The following STRN3 variants were observed in gnomAD, a reference collection of about 807,000 sequenced individuals.
STRN3 encodes the protein striatin 3.
STRN3 carries 29 observed loss-of-function variants against 95.6 expected under a neutral mutation model. The ratio of observed to expected loss-of-function variants is 0.30; its 90% CI spans 0.23 to 0.41. The LOEUF (loss-of-function observed/expected upper bound fraction) is 0.41. STRN3 is among the 10% of genes least tolerant of loss of function. STRN3 has a pLI of 1.00. For synonymous variants in STRN3, 331 were observed against 357.6 expected (o/e 0.93, Z 0.84); for missense variants, 890 against 972.1 (o/e 0.92, Z 1.12).
intron 8 of STRN3, among the ~76,000 whole-genome samples, chr14:30,926,733 A>T (rs951331472): frequency 6.6e-6 from 1 of 152,144 alleles, no homozygotes; most frequent in Non-Finnish European, 1.5e-5. Flanking sequence ...TATGAAATCA[A>T]AATTAAAGTG....
At chr14:31,009,883 GAGACC>G (rs1488956313) in intron 1 of STRN3, among the ~76,000 whole-genome samples, 1 of 152,110 alleles carries the variant, frequency 6.6e-6, no homozygotes, top group Non-Finnish European at 1.5e-5. Flanking sequence ...AGGATTGCTT[GAGACC>G]AGGTATTCAA....
intron 13 of STRN3, among the ~76,000 whole-genome samples, chr14:30,908,772 C>T (rs530549888): frequency 4.6e-5 from 7 of 152,320 alleles, no homozygotes; most frequent in Admixed American, 3.3e-4. Flanking sequence ...GTCAGAGTTA[C>T]TGAGGACTTT....
Position 30,915,982 on chromosome 14 carries a change from A to G in STRN3, c.1241-2325T>C, listed in dbSNP as rs117625361. On this transcript the variant is annotated intron_variant, in intron 9 of 17. Coordinates refer to ENST00000357479, the MANE Select transcript of STRN3 (RefSeq NM_001083893.2). ...GACCACATTTCTGTCCTTTTTCTCT[A>G]TATACACACATATATTTTATGACAT... Among the ~76,000 whole-genome samples the G allele has an allele frequency of 5.1e-4, 78 of 152,250 alleles. 1 individual carries two copies. In the East Asian group the frequency reaches 0.014, roughly 28 times the overall value.
chr14:30,978,748 T>G (rs773592284), intron 1 of STRN3, among the ~76,000 whole-genome samples: 1 of 152,192 alleles, frequency 6.6e-6, no homozygotes, highest in Non-Finnish European at 1.5e-5. Flanking sequence ...GAAGCAATTA[T>G]AAAGCTAGGT....
chr14:30,908,607 TCGAAAGTGCAGA>T (rs1486503009), intron 13 of STRN3, among the ~76,000 whole-genome samples: 2 of 152,194 alleles, frequency 1.3e-5, no homozygotes. Context: ...TCAGCAACAT[TCGAAAGTGCAGA>T]CTGCTTCTTT....
intron 7 of STRN3, among the ~76,000 whole-genome samples, chr14:30,932,839 A>G (rs1878610140): frequency 6.6e-6 from 1 of 152,218 alleles, no homozygotes; most frequent in South Asian, 2.1e-4. Flanking sequence ...AGGAATGAAT[A>G]TGTGTCAAGA....
At chr14:30,943,034 T>A (rs1198677739) in intron 5 of STRN3, among the ~76,000 whole-genome samples, 6 of 152,264 alleles carry the variant, frequency 3.9e-5, no homozygotes, top group Admixed American at 3.9e-4. Flanking sequence ...CCATTAGGCA[T>A]ACTGCCTCTA....
chr14:30,984,528 A>G (rs1387322863), intron 1 of STRN3, among the ~76,000 whole-genome samples: 8 of 152,112 alleles, frequency 5.3e-5, no homozygotes, highest in Non-Finnish European at 8.8e-5. Flanking sequence ...GATAGCAACT[A>G]TAGCACTTTG....
chr14:30,934,319 T>C (rs542697359), intron 7 of STRN3, among the ~76,000 whole-genome samples: 5 of 152,138 alleles, frequency 3.3e-5, no homozygotes, highest in South Asian at 2.1e-4. Flanking sequence ...CGAGACTCTG[T>C]CTCAAAAAAT....
chr14:30,973,696 T>TG (rs1880950914), intron 1 of STRN3, among the ~76,000 whole-genome samples: 1 of 152,208 alleles, frequency 6.6e-6, no homozygotes, highest in African/African-American at 2.4e-5. Flanking sequence ...CAACATCCCC[T>TG]GTGAACACTG....
intron 1 of STRN3, among the ~76,000 whole-genome samples, chr14:31,011,535 C>G (rs1882968343): frequency 6.6e-6 from 1 of 152,120 alleles, no homozygotes; most frequent in Non-Finnish European, 1.5e-5. Context: ...TACAGCTACT[C>G]AGGAGGCTGA....
chr14:31,008,610 A>G (rs921354919), intron 1 of STRN3, among the ~76,000 whole-genome samples: 1 of 152,242 alleles, frequency 6.6e-6, no homozygotes, highest in Non-Finnish European at 1.5e-5. Flanking sequence ...TAAGTCTATT[A>G]TTTAAATATA....
At chr14:30,967,213 C>T (rs1471008579) in intron 1 of STRN3, among the ~76,000 whole-genome samples, 2 of 122,460 alleles carry the variant, frequency 1.6e-5, no homozygotes, top group African/African-American at 3.2e-5. Flanking sequence ...CAGAGAGACA[C>T]AGAGGGGAAA....
At chr14:30,938,652 G>A (rs999656137) in intron 5 of STRN3, among the ~76,000 whole-genome samples, 1 of 151,988 alleles carries the variant, frequency 6.6e-6, no homozygotes, top group Middle Eastern at 3.4e-3. Context: ...ATTAACATTC[G>A]CTCTTTGAAA....
chr14:30,965,485 A>G (rs1193614090), intron 1 of STRN3, among the ~76,000 whole-genome samples: 1 of 152,050 alleles, frequency 6.6e-6, no homozygotes, highest in Non-Finnish European at 1.5e-5. Flanking sequence ...CCAGGAGTTC[A>G]ATACCAGCCT....
intron 1 of STRN3, among the ~76,000 whole-genome samples, chr14:31,022,742 A>C (rs911278478): frequency 6.6e-6 from 1 of 152,092 alleles, no homozygotes; most frequent in African/African-American, 2.4e-5. Flanking sequence ...ACTTGGGTTC[A>C]AATCTCAGCT....
intron 1 of STRN3, among the ~76,000 whole-genome samples, chr14:31,021,715 C>T (rs971748627): frequency 6.6e-6 from 1 of 152,160 alleles, no homozygotes; most frequent in Non-Finnish European, 1.5e-5. Context: ...TTGTTAACAA[C>T]AGAGTGTTGG....
chr14:30,983,043 C>G (rs1881489691), intron 1 of STRN3, among the ~76,000 whole-genome samples: 1 of 152,198 alleles, frequency 6.6e-6, no homozygotes, highest in South Asian at 2.1e-4. Flanking sequence ...CTTTTGTTCA[C>G]TGATATATTC....
chr14:31,017,936 G>A (rs2139344543), intron 1 of STRN3, among the ~76,000 whole-genome samples: 1 of 151,830 alleles, frequency 6.6e-6, no homozygotes, highest in South Asian at 2.1e-4. Flanking sequence ...TAATTAGCTG[G>A]GCATGGTGGT....
Sources: gnomAD v4.1 joint callset for allele counts (sites outside exome capture counted in the v4.1 genomes callset) on GRCh38, gnomAD v4.1.1 for gene constraint, MANE v1.5 for transcripts, NCBI Gene and HGNC (gene_info 2026-07-23, HGNC 2026-07-21) for gene names.